The following ST3GAL4 variants were observed in gnomAD, a reference collection of about 807,000 sequenced individuals.
The protein encoded by ST3GAL4 is ST3 beta-galactoside alpha-2,3-sialyltransferase 4.
In ST3GAL4, 24 loss-of-function variants were observed where a neutral mutation model predicts 42.6. That is an observed-to-expected ratio of 0.56 (90% CI 0.41 to 0.79). The LOEUF (loss-of-function observed/expected upper bound fraction) is 0.79. Ranked by LOEUF, ST3GAL4 falls within the 30% of genes least tolerant of loss-of-function variation. The pLI, the probability that ST3GAL4 is intolerant of heterozygous loss-of-function variation, is 0.00. For missense variants in ST3GAL4, 311 were observed against 430.8 expected, an observed-to-expected ratio of 0.72 and a Z score of 2.46; for synonymous variants, 135 against 163.2, an observed-to-expected ratio of 0.83 and a Z score of 1.32.
rs908186495 is a variant in ST3GAL4 at position 126,408,571 on chromosome 11, G to A, written c.627+75G>A. On this transcript the variant is annotated intron_variant, in intron 8 of 10. Transcript: ENST00000444328. The stretch of plus-strand genomic sequence containing the variant: ...CCCGAGTCAGGACCTCACGCTCCTT[G>A]ATGTCCGCCTGGCAGTCCTAAAGAG... The A allele has an allele frequency of 3.9e-6, 6 of 1,540,782 alleles. No individual in the cohort carries two copies. In the African/African-American group the frequency reaches 8.2e-5, roughly 21 times the overall value.
chr11:126,368,853 T>G (rs1195890001), intron 1 of ST3GAL4, among the ~76,000 whole-genome samples: 1 of 152,170 alleles, frequency 6.6e-6, no homozygotes, highest in Non-Finnish European at 1.5e-5. Flanking sequence ...GGAAGTTAGC[T>G]GCTCTGAATG....
At chr11:126,388,950 G>C (rs1953358833) in intron 1 of ST3GAL4, among the ~76,000 whole-genome samples, 1 of 150,846 alleles carries the variant, frequency 6.6e-6, no homozygotes, top group Non-Finnish European at 1.5e-5. Context: ...GCTAATTTTT[G>C]TATTTTTAGT....
rs925860986 is a variant in ST3GAL4, at chr11:126,359,644, C to T, written c.-61+3802C>T. ...TGACCTCTGAGTGCTCTCCCGAACC[C>T]CACATCCCGGCCGGGCCGTACCCTG... On this transcript the variant is annotated intron_variant, in intron 1 of 10. Coordinates refer to ENST00000444328, the MANE Select transcript of ST3GAL4 (RefSeq NM_001254757.2). The surrounding 1 kb of genome is among the most constrained non-coding windows in gnomAD (Gnocchi z 4.8). Among the ~76,000 whole-genome samples, 1 of 152,210 alleles carries T rather than the reference C, an allele frequency of 6.6e-6. No homozygotes were observed. Among genetic ancestry groups the T allele is most frequent in the Non-Finnish European group, 1.5e-5 (1 of 68,034 alleles).
chr11:126,364,158 A>C (rs1344261107), intron 1 of ST3GAL4, among the ~76,000 whole-genome samples: 2 of 152,226 alleles, frequency 1.3e-5, no homozygotes, highest in Admixed American at 1.3e-4. Context: ...GCGCTGGCCC[A>C]TTCCGGCTCC....
chr11:126,365,002 C>CGGGGGT (rs2135385870), intron 1 of ST3GAL4, among the ~76,000 whole-genome samples: 1 of 143,930 alleles, frequency 6.9e-6, no homozygotes, highest in South Asian at 2.4e-4. Flanking sequence ...GGTGTGTTCT[C>CGGGGGT]GGGGGTGGGG....
At position 126,396,797 on chromosome 11, in the gene ST3GAL4, C is replaced by T. The variant is rs1402750958; in HGVS notation, c.-60-9299C>T. Among the ~76,000 whole-genome samples the T allele has an allele frequency of 4.0e-5, 6 of 151,232 alleles. No individual in the cohort carries two copies. Among genetic ancestry groups the T allele is most frequent in the Non-Finnish European group, 8.8e-5 (6 of 67,876 alleles). Reference sequence around the variant, plus strand: ...TCCTCACGAGCTGTACAACCTGGGCCGGTTACTGACCCCTTTCCCACCTTA... The same window carrying T: ...TCCTCACGAGCTGTACAACCTGGGCTGGTTACTGACCCCTTTCCCACCTTA... On this transcript the variant is annotated intron_variant, in intron 1 of 10. Coordinates refer to ENST00000444328, the MANE Select transcript of ST3GAL4 (RefSeq NM_001254757.2). This position sits in a 1 kb window ranked among gnomAD's most constrained non-coding sequence, Gnocchi z 5.8.
chr11:126,390,919 A>G (rs1953488325), intron 1 of ST3GAL4, among the ~76,000 whole-genome samples: 2 of 152,248 alleles, frequency 1.3e-5, no homozygotes, highest in East Asian at 1.9e-4. Context: ...TTAAGTATCT[A>G]TTCTAAATGG....
At position 126,413,589 on chromosome 11, in the gene ST3GAL4, G is replaced by T; in HGVS notation, c.856G>T (p.Ala286Ser). 6.2e-7 allele frequency: 1 copy of T among 1,614,270 alleles called. No individual in the cohort carries two copies. Among genetic ancestry groups the T allele is most frequent in the African/African-American group, 1.3e-5 (1 of 75,070 alleles). The part of the protein sequence containing the change: ...VHIAGFGYPD[A>S]YNKKQTIHYY... ...CATTGCCGGCTTTGGCTACCCAGAC[G>T]CCTACAACAAGAAGCAGACCATTCA... Residue 286 changes from alanine (A) to serine (S), a missense_variant, in exon 10 of 11, where the codon GCC (alanine) becomes TCC (serine). Coordinates refer to ENST00000444328, the MANE Select transcript of ST3GAL4 (RefSeq NM_001254757.2).
Position 126,409,648 on chromosome 11 carries a change from G to C in ST3GAL4, c.771+237G>C, listed in dbSNP as rs1369128663. Among the ~76,000 whole-genome samples, 1 of 152,140 alleles carries C rather than the reference G, an allele frequency of 6.6e-6. No individual in the cohort carries two copies. The highest frequency in any genetic ancestry group is 1.5e-5 in the Non-Finnish European group (1 of 68,030). On this transcript the variant is annotated intron_variant, in intron 9 of 10. Transcript: ENST00000444328. This position sits in a 1 kb window ranked among gnomAD's most constrained non-coding sequence, Gnocchi z 4.9. ...GGGGATGGCCTGGATCAGGTTTAGG[G>C]GCTGGTGTGAGAGGATGGTTTTGGC...
intron 1 of ST3GAL4, among the ~76,000 whole-genome samples, chr11:126,401,583 A>AC (rs1284715387): frequency 6.6e-6 from 1 of 150,936 alleles, no homozygotes; most frequent in Non-Finnish European, 1.5e-5. Context: ...AAGAAGAAAA[A>AC]AAAAAAGGTG....
rs964622628 is a variant in ST3GAL4 at position 126,359,321 on chromosome 11, G to A, written c.-61+3479G>A. Reference sequence around the variant, plus strand: ...TTAAAAAAAAAAAAAAGATGTGCTAGACACTTTACGTCCCTTCATGTGAGC... The same window carrying A: ...TTAAAAAAAAAAAAAAGATGTGCTAAACACTTTACGTCCCTTCATGTGAGC... On this transcript the variant is annotated intron_variant, in intron 1 of 10. Transcript: ENST00000444328. This position sits in a 1 kb window ranked among gnomAD's most constrained non-coding sequence, Gnocchi z 4.8. Among the ~76,000 whole-genome samples, 2 of 151,764 alleles carry A rather than the reference G, an allele frequency of 1.3e-5. No homozygotes were observed. Among genetic ancestry groups the A allele is most frequent in the African/African-American group, 4.8e-5 (2 of 41,270 alleles).
chr11:126,389,521 G>T (rs567028300), intron 1 of ST3GAL4, among the ~76,000 whole-genome samples: 2 of 152,074 alleles, frequency 1.3e-5, no homozygotes, highest in Middle Eastern at 3.4e-3. Context: ...GTTGTTTTTG[G>T]ACGCATACTT....
Position 126,409,327 on chromosome 11 carries a change from T to G in ST3GAL4, c.687T>G (p.Ile229Met), listed in dbSNP as rs1049108253. 9.9e-6 allele frequency: 16 copies of G among 1,614,218 alleles called. No individual in the cohort carries two copies. Among genetic ancestry groups the G allele is most frequent in the Non-Finnish European group, 1.4e-5 (16 of 1,180,042 alleles). ...TCTGGGATGTCAATCCTAAACAGAT[T>G]CGGATTCTCAACCCCTTCTTCATGG... ...PLIWDVNPKQ[I>M]RILNPFFMEI... The change falls in exon 9 of 11, where the codon ATT becomes ATG. Residue 229 changes from isoleucine (I) to methionine (M), a missense_variant. Coordinates refer to ENST00000444328, the MANE Select transcript of ST3GAL4 (RefSeq NM_001254757.2). The surrounding 1 kb of genome is among the most constrained non-coding windows in gnomAD (Gnocchi z 4.9).
intron 1 of ST3GAL4, among the ~76,000 whole-genome samples, chr11:126,394,283 CCACA>C (rs1953642038): frequency 3.3e-5 from 5 of 152,220 alleles, no homozygotes; most frequent in Non-Finnish European, 5.9e-5. Flanking sequence ...TGGGGCAGGT[CCACA>C]CAGGCCCTGG....
intron 1 of ST3GAL4, among the ~76,000 whole-genome samples, chr11:126,402,820 T>C (rs1001179520): frequency 1.3e-4 from 20 of 152,220 alleles, no homozygotes; most frequent in Admixed American, 3.3e-4. Context: ...GTGGCAGAAC[T>C]GACCAGCTCC....
chr11:126,407,829 G>T (rs1340746882), intron 6 of ST3GAL4, among the ~76,000 whole-genome samples, 195 bp downstream of exon 6: 1 of 152,028 alleles, frequency 6.6e-6, no homozygotes, highest in Non-Finnish European at 1.5e-5. Context: ...TGCAACAGTG[G>T]GGCAGGCGTT....
Position 126,407,364 on chromosome 11 carries a change from G to A in ST3GAL4, c.280+15G>A, listed in dbSNP as rs371250681. On this transcript the variant is annotated intron_variant, in intron 5 of 10. Coordinates refer to ENST00000444328, the MANE Select transcript of ST3GAL4 (RefSeq NM_001254757.2). Reference sequence around the variant, plus strand: ...CAAGGGGAGTGGTAAGTTCCTACCCGGCTCGTGGGAACCATGGGCTCACCC... The same window carrying A: ...CAAGGGGAGTGGTAAGTTCCTACCCAGCTCGTGGGAACCATGGGCTCACCC... The A allele has an allele frequency of 2.9e-4, 466 of 1,612,908 alleles. No homozygotes were observed. Among genetic ancestry groups the A allele is most frequent in the Non-Finnish European group, 3.8e-4 (448 of 1,178,908 alleles).
In ST3GAL4 at chr11:126,400,027, C is replaced by G. The variant is rs1393386099; in HGVS notation, c.-60-6069C>G. Among the ~76,000 whole-genome samples the G allele has an allele frequency of 6.6e-6, 1 of 152,122 alleles. No individual in the cohort carries two copies. ...CCCTTCCTTCTTTCCTCTCTGCTCT[C>G]TCTCTCTTTTCTTCCTTTCCCTCCC... On this transcript the variant is annotated intron_variant, in intron 1 of 10. Transcript: ENST00000444328. The surrounding 1 kb of genome is among the most constrained non-coding windows in gnomAD (Gnocchi z 4.6).
intron 9 of ST3GAL4, 127 bp from the exon 10 acceptor site, chr11:126,413,378 G>C: frequency 8.1e-7 from 1 of 1,232,154 alleles, no homozygotes; most frequent in Non-Finnish European, 1.1e-6. Flanking sequence ...CTCGTGGCTT[G>C]TCTTGTTGGA....
Sources: gnomAD v4.1 joint callset for allele counts (sites outside exome capture counted in the v4.1 genomes callset) on GRCh38, gnomAD v4.1.1 for gene constraint, Gnocchi (gnomAD v3.1) non-coding constraint, MANE v1.5 for transcripts, NCBI Gene and HGNC (gene_info 2026-07-23, HGNC 2026-07-21) for gene names.